Variants in PLD3 observed in about 807,000 individuals in gnomAD.
PLD3 encodes the protein phospholipase D family member 3.
PLD3 carries 31 observed loss-of-function variants against 58.4 expected under a neutral mutation model. The ratio of observed to expected loss-of-function variants is 0.53; its 90% CI spans 0.40 to 0.72. PLD3 has a LOEUF of 0.72. Among genes scored for constraint, PLD3 ranks in the 30% least tolerant of loss-of-function variants. PLD3 has a pLI of 0.00. For missense variants in PLD3, 595 were observed against 659.8 expected (o/e 0.90, Z 1.08); for synonymous variants, 264 against 273.4 (o/e 0.97, Z 0.34).
At chr19:40,376,912 C>A in intron 11 of PLD3, 138 bp downstream of exon 11, 1 of 838,970 alleles carries the variant, frequency 1.2e-6, no homozygotes, top group Non-Finnish European at 1.8e-6. Context: ...GGGTCAGGGC[C>A]AGGGTCATGG....
chr19:40,366,397 G>A lies in PLD3; in HGVS notation c.-65-22G>A, dbSNP rs1189095616. ...TGGAAAGCGTAGAACACCCCACACA[G>A]TGCCCACTTTTGTTCTGCCAGTTTG... On this transcript the variant is annotated intron_variant, in intron 2 of 12. Transcript: ENST00000409735. The A allele has an allele frequency of 1.3e-5, 14 of 1,119,608 alleles. No individual in the cohort carries two copies. In the African/African-American group the frequency reaches 1.7e-4, roughly 13 times the overall value. The allele number at this position is 1,119,608 out of a possible 1,614,324, so 69.4% of individuals were successfully genotyped here. A position where few individuals can be genotyped will look rare whatever the true frequency, so the allele number is the denominator to read the frequency against.
chr19:40,361,361 T>G (rs560573204), intron 1 of PLD3, among the ~76,000 whole-genome samples: 4 of 152,202 alleles, frequency 2.6e-5, no homozygotes, highest in South Asian at 4.1e-4. Flanking sequence ...TCCGCCCACC[T>G]TGGCCTCCCA....
chr19:40,373,145 C>G (rs898418266), intron 9 of PLD3, among the ~76,000 whole-genome samples: 2 of 152,200 alleles, frequency 1.3e-5, no homozygotes, highest in Non-Finnish European at 2.9e-5. Context: ...TCGTGGAAGG[C>G]ACAACCCTAA....
Position 40,365,198 on chromosome 19 carries a change from T to C in PLD3, c.-278-520T>C, listed in dbSNP as rs139688379. ...CCTGCCGTGAAAAGAGGTGCCACCC[T>C]CTGTCAATTAGGAGAGGAGGGATGA... On this transcript the variant is annotated intron_variant, in intron 1 of 12. Coordinates refer to ENST00000409735, the MANE Select transcript of PLD3 (RefSeq NM_012268.4). 3.3e-5 allele frequency among the ~76,000 whole-genome samples: 5 copies of C among 152,272 alleles called. No individual in the cohort carries two copies. In the East Asian group the frequency reaches 9.7e-4, roughly 29 times the overall value.
intron 2 of PLD3, 48 bp from the exon 3 acceptor site, chr19:40,366,371 C>G (rs2078922293): frequency 1.1e-6 from 1 of 898,032 alleles, no homozygotes; most frequent in East Asian, 2.4e-5. Flanking sequence ...ATGTCTGTCC[C>G]TGGAAAGCGT....
Position 40,378,480 on chromosome 19 carries a change from T to C in PLD3, c.*307T>C, listed in dbSNP as rs2145712486. The C allele has an allele frequency of 2.2e-6, 1 of 459,136 alleles. No homozygotes were observed. Among genetic ancestry groups the C allele is most frequent in the East Asian group, 4.3e-5 (1 of 23,300 alleles). The allele number at this position is 459,136 out of a possible 1,614,324, so 28.4% of individuals were successfully genotyped here. A position where few individuals can be genotyped will look rare whatever the true frequency, so the allele number is the denominator to read the frequency against. ...GGTTATAATAAGTAAATAACTTGTC[T>C]GTACAGCCTGTGCCTGACTGAGTGG... On this transcript the variant is annotated 3_prime_UTR_variant, in exon 13 of 13. Transcript: ENST00000409735.
chr19:40,354,545 T>C (rs914302272), intron 1 of PLD3, among the ~76,000 whole-genome samples: 6 of 151,116 alleles, frequency 4.0e-5, no homozygotes, highest in South Asian at 2.1e-4. Flanking sequence ...TTATTTTTCA[T>C]TGAGACACTG....
chr19:40,378,162 C>G lies in PLD3; in HGVS notation c.1462C>G (p.Arg488Gly). Reference protein sequence around the residue: ...TSADSVGNACRLL With the variant: ...TSADSVGNACGLL ...AGCTGACAGCGTGGGCAACGCCTGC[C>G]GCCTGCTCTGAGGCCCGATCCAGTG... is the stretch of plus-strand genomic sequence containing the variant. Residue 488 changes from arginine (R) to glycine (G), a missense_variant, in exon 13 of 13, where the codon CGC becomes GGC. Physicochemically the swap from Arg to Gly is moderately radical, Grantham distance 125. Coordinates refer to ENST00000409735, the MANE Select transcript of PLD3 (RefSeq NM_012268.4). The G allele has an allele frequency of 1.2e-6, 2 of 1,608,966 alleles. No homozygotes were observed. Among genetic ancestry groups the G allele is most frequent in the Non-Finnish European group, 1.7e-6 (2 of 1,177,146 alleles).
chr19:40,371,028 A>G (rs1219721111), intron 8 of PLD3: 1 of 153,074 alleles, frequency 6.5e-6, no homozygotes. Context: ...AAGCTCAGAG[A>G]CCCCAACCTG....
chr19:40,372,577 T>C (rs1043920348), intron 9 of PLD3, among the ~76,000 whole-genome samples: 4 of 151,858 alleles, frequency 2.6e-5, no homozygotes, highest in Admixed American at 2.6e-4. Flanking sequence ...GAGGATCACT[T>C]GAGGCCAGGA....
intron 1 of PLD3, chr19:40,356,762 T>C (rs1259878902): frequency 6.6e-6 from 1 of 152,084 alleles, no homozygotes; most frequent in African/African-American, 2.4e-5. Context: ...GAGCTTTGGG[T>C]TGAGAAAGAG....
At position 40,378,256 on chromosome 19, in the gene PLD3, C is replaced by G. The variant is rs770404113; in HGVS notation, c.*83C>G. 8 of 1,258,402 alleles carry G rather than the reference C, an allele frequency of 6.4e-6. No individual in the cohort carries two copies. Among genetic ancestry groups the G allele is most frequent in the Admixed American group, 3.4e-5 (2 of 58,728 alleles). 78.0% of individuals were successfully genotyped at this position (1,258,402 alleles called of 1,614,324 possible). ...GGGTCACGGTCCCTGTCCCCGCGCC[C>G]CCGCTTCTGTCTGCCCCATTGTGGC... is the stretch of plus-strand genomic sequence containing the variant. On this transcript the variant is annotated 3_prime_UTR_variant, in exon 13 of 13. Transcript: ENST00000409735.
intron 11 of PLD3, 93 bp downstream of exon 11, chr19:40,376,867 G>A: frequency 8.2e-7 from 1 of 1,218,982 alleles, no homozygotes; most frequent in Non-Finnish European, 1.1e-6. Context: ...GACAAGGGCA[G>A]CCCAGAGTGA....
Position 40,370,214 on chromosome 19 carries a change from A to G in PLD3, c.655A>G (p.Met219Val), listed in dbSNP as rs2079033716. Residue 219 changes from methionine (M) to valine (V), a missense_variant, in exon 8 of 13, where the codon ATG becomes GTG. Transcript: ENST00000409735. Reference protein sequence around the residue: ...QTHFYLGSANMDWRSLTQVKE... With the variant: ...QTHFYLGSANVDWRSLTQVKE... ...CCACTTCTACCTGGGCAGTGCCAAC[A>G]TGGACTGGCGTTCACTGACCCAGGT... 6.2e-7 allele frequency: 1 copy of G among 1,613,906 alleles called. No homozygotes were observed.
At chr19:40,375,741 A>G (rs2079182298) in intron 10 of PLD3, among the ~76,000 whole-genome samples, 1 of 151,714 alleles carries the variant, frequency 6.6e-6, no homozygotes, top group Non-Finnish European at 1.5e-5. Context: ...GTGGGGCTCA[A>G]AGAAGGTATT....
Position 40,378,353 on chromosome 19 carries a change from CCCAGCAGAGCTGGGGGAGGGAT to C in PLD3, c.*182_*203del, listed in dbSNP as rs2079298849. On this transcript the variant is annotated 3_prime_UTR_variant, in exon 13 of 13. Transcript: ENST00000409735. ...CCGGCCTGACGCTGTGGCCCCGGGA[CCCAGCAGAGCTGGGGGAGGGAT>C]CAGCCCCCAAAGAAATGGGGGTGCA... 4.2e-6 allele frequency: 3 copies of C among 715,680 alleles called. No individual in the cohort carries two copies. The Admixed American group carries it at 6.1e-5, about 15-fold the overall frequency. 44.3% of individuals were successfully genotyped at this position (715,680 alleles called of 1,614,324 possible).
chr19:40,361,563 C>T (rs1012566752), intron 1 of PLD3, among the ~76,000 whole-genome samples: 2 of 152,174 alleles, frequency 1.3e-5, no homozygotes, highest in Non-Finnish European at 2.9e-5. Context: ...CCACTCCCCC[C>T]AGCCCACTTC....
chr19:40,374,068 G>A (rs1440746437), intron 9 of PLD3, among the ~76,000 whole-genome samples: 1 of 151,316 alleles, frequency 6.6e-6, no homozygotes, highest in African/African-American at 2.4e-5. Flanking sequence ...GGGCGGGCTT[G>A]TTAAAACCCA....
chr19:40,359,042 CTTTTTTG>C (rs1004876221), intron 1 of PLD3: 18 of 152,524 alleles, frequency 1.2e-4, no homozygotes, highest in African/African-American at 2.4e-4. Flanking sequence ...GACCTGATCT[CTTTTTTG>C]TTTTTTGTTT....
Sources: allele counts gnomAD v4.1 joint callset (sites outside exome capture counted in the v4.1 genomes callset), GRCh38; gene constraint gnomAD v4.1.1; transcripts MANE v1.5; gene names NCBI Gene and HGNC (gene_info 2026-07-23, HGNC 2026-07-21).